Variants in COL22A1 observed in about 807,000 individuals in gnomAD.
The protein encoded by COL22A1 is collagen alpha-1(XXII) chain.
COL22A1 carries 221 observed loss-of-function variants against 248.9 expected under a neutral mutation model. The observed-to-expected ratio is 0.89, with a 90% CI of 0.80 to 0.99. COL22A1 has a LOEUF of 0.99. Among genes scored for constraint, COL22A1 ranks in the 50% least tolerant of loss-of-function variants. COL22A1 has a pLI of 0.00. For synonymous variants in COL22A1, 891 were observed against 793.4 expected (o/e 1.12, Z -2.07); for missense variants, 2,240 against 2,179.0 (o/e 1.03, Z -0.56).
intron 1 of COL22A1, among the ~76,000 whole-genome samples, chr8:138,884,328 A>G (rs981908448): frequency 6.6e-6 from 1 of 152,152 alleles, no homozygotes; most frequent in African/African-American, 2.4e-5. Context: ...GGCCAGGCCA[A>G]CTTCACTGGG....
At chr8:138,806,053 ATGGTGTGTGG>A (rs1817633800) in intron 10 of COL22A1, among the ~76,000 whole-genome samples, 1 of 3,816 alleles carries the variant, frequency 2.6e-4, no homozygotes, top group Non-Finnish European at 9.7e-4. Context: ...GGTGTAGGTA[ATGGTGTGTGG>A]TGGTGTGTGT....
At chr8:138,734,426 C>A (rs1830951409) in intron 23 of COL22A1, among the ~76,000 whole-genome samples, 1 of 152,166 alleles carries the variant, frequency 6.6e-6, no homozygotes, top group Non-Finnish European at 1.5e-5. Context: ...TAAGCAAATG[C>A]ATGATAGTAA....
intron 35 of COL22A1, among the ~76,000 whole-genome samples, chr8:138,692,498 T>C (rs1177234155): frequency 2.4e-4 from 35 of 146,750 alleles, no homozygotes; most frequent in African/African-American, 8.8e-4. Flanking sequence ...TGTGTGTGTG[T>C]GTGTGTGTGT....
chr8:138,902,776 ACACACACACT>A (rs1411323204), intron 1 of COL22A1, among the ~76,000 whole-genome samples: 1 of 151,192 alleles, frequency 6.6e-6, no homozygotes, highest in African/African-American at 2.4e-5. Context: ...ACACACACAC[ACACACACACT>A]AGAACTGACT....
rs532045536 is a variant in COL22A1 at position 138,678,214 on chromosome 8, G to C, written c.3072+1403C>G. Among the ~76,000 whole-genome samples, 9 of 152,280 alleles carry C rather than the reference G, an allele frequency of 5.9e-5. No homozygotes were observed. In the East Asian group the frequency reaches 1.7e-3, roughly 29 times the overall value. On this transcript the variant is annotated intron_variant, in intron 40 of 64. Coordinates refer to ENST00000303045, the MANE Select transcript of COL22A1 (RefSeq NM_152888.3). ...GCCCATTGTCAATACTCAGTGCTAA[G>C]TTCAGAAGAGAAGGGATGTTCATGG...
intron 3 of COL22A1, among the ~76,000 whole-genome samples, chr8:138,863,825 C>A (rs1341523129): frequency 6.6e-6 from 1 of 152,204 alleles, no homozygotes; most frequent in South Asian, 2.1e-4. Context: ...CTCACTGAAT[C>A]TTTGCAATGT....
intron 16 of COL22A1, among the ~76,000 whole-genome samples, chr8:138,775,645 T>C (rs1466453706): frequency 6.6e-6 from 1 of 152,140 alleles, no homozygotes; most frequent in East Asian, 1.9e-4. Context: ...ACTGGGACTT[T>C]GGAGTCCAAT....
At chr8:138,671,020 G>A (rs541689736) in intron 41 of COL22A1, among the ~76,000 whole-genome samples, 130 of 131,262 alleles carry the variant, frequency 9.9e-4, no homozygotes, top group African/African-American at 3.4e-3. Context: ...AAGTGAACAC[G>A]AACTTTTGTT....
intron 4 of COL22A1, among the ~76,000 whole-genome samples, chr8:138,837,960 A>C (rs1319310059): frequency 2.0e-5 from 3 of 151,958 alleles, no homozygotes; most frequent in Non-Finnish European, 4.4e-5. Flanking sequence ...CAGGGTTGTC[A>C]CCTTGAGGAG....
chr8:138,900,880 TA>T (rs1814499349), intron 1 of COL22A1, among the ~76,000 whole-genome samples: 1 of 152,168 alleles, frequency 6.6e-6, no homozygotes, highest in Non-Finnish European at 1.5e-5. Flanking sequence ...AAGATGGTTT[TA>T]GAGAGTAATA....
At position 138,877,726 on chromosome 8, in the gene COL22A1, C is replaced by T. The variant is rs769891408; in HGVS notation, c.658+24G>A. ...AGGGGGCGTCACTCTTGGGAGGGGC[C>T]GCATGGGGCCCGGGCGCACTCACTT... On this transcript the variant is annotated intron_variant, in intron 3 of 64. Coordinates refer to ENST00000303045, the MANE Select transcript of COL22A1 (RefSeq NM_152888.3). The T allele has an allele frequency of 1.0e-5, 16 of 1,547,340 alleles. No individual in the cohort carries two copies. In the East Asian group the frequency reaches 3.4e-4, roughly 33 times the overall value.
intron 1 of COL22A1, among the ~76,000 whole-genome samples, chr8:138,894,209 T>G (rs1401763264): frequency 6.6e-6 from 1 of 152,190 alleles, no homozygotes; most frequent in South Asian, 2.1e-4. Context: ...TCAGACATGC[T>G]TGGATAGCCC....
chr8:138,676,600 A>C lies in COL22A1; in HGVS notation c.3108T>G (p.Pro1036=). Residue 1036 remains proline (P), a synonymous_variant, in exon 41 of 65, where the codon CCT becomes CCG. Coordinates refer to ENST00000303045, the MANE Select transcript of COL22A1 (RefSeq NM_152888.3). The stretch of plus-strand genomic sequence containing the variant: ...CAATGCCTGGGTCACCACGGCTGCC[A>C]GGAGAACCAGGGATCCCAGGAGCTC... The part of the protein sequence containing the change: ...DRGAPGIPGS[P]GSRGDPGIGV... 6.4e-7 allele frequency: 1 copy of C among 1,568,878 alleles called. No homozygotes were observed. The highest frequency in any genetic ancestry group is 1.2e-5 in the South Asian group (1 of 85,206).
intron 59 of COL22A1, 59 bp from the exon 60 acceptor site, chr8:138,602,218 C>T (rs1247346448): frequency 1.3e-6 from 2 of 1,581,146 alleles, no homozygotes; most frequent in African/African-American, 2.7e-5. Flanking sequence ...GTGTCCTTGC[C>T]TTGCTGGATA....
intron 55 of COL22A1, among the ~76,000 whole-genome samples, 155 bp downstream of exon 55, chr8:138,615,846 G>A (rs924333181): frequency 5.3e-5 from 8 of 152,122 alleles, no homozygotes; most frequent in African/African-American, 1.9e-4. Flanking sequence ...GGTTGGAGGC[G>A]CCAATCTCAT....
Position 138,902,739 on chromosome 8 carries a change from TAC to T in COL22A1, c.-73+10878_-73+10879del, listed in dbSNP as rs35023865. Among the ~76,000 whole-genome samples, 433 of 93,876 alleles carry T rather than the reference TAC, an allele frequency of 4.6e-3. 2 individuals carry two copies. Among genetic ancestry groups the T allele is most frequent in the Admixed American group, 7.9e-3 (58 of 7,362 alleles). 61.6% of individuals were successfully genotyped at this position (93,876 alleles called of 152,430 possible). On this transcript the variant is annotated intron_variant, in intron 1 of 64. Transcript: ENST00000303045. ...AAAAATTTATAAATATATATATATATACACACACACACACACACACACACACA... is the reference window on the plus strand; with the variant it reads ...AAAAATTTATAAATATATATATATATACACACACACACACACACACACACA...
At chr8:138,819,328 C>T (rs1818915664) in intron 7 of COL22A1, among the ~76,000 whole-genome samples, 1 of 151,926 alleles carries the variant, frequency 6.6e-6, no homozygotes, top group African/African-American at 2.4e-5. Context: ...ATCTAGAAAT[C>T]ATTCAGTAAA....
chr8:138,694,485 A>T, intron 34 of COL22A1, 23 bp downstream of exon 34: 1 of 1,612,190 alleles, frequency 6.2e-7, no homozygotes, highest in South Asian at 1.1e-5. Context: ...CTGAGCCAGC[A>T]GGGGAAGGGA....
chr8:138,594,207 G>A lies in COL22A1; in HGVS notation c.4433-8C>T, dbSNP rs763052328. 9 of 1,560,756 alleles carry A rather than the reference G, an allele frequency of 5.8e-6. No homozygotes were observed. The East Asian group carries it at 2.0e-4, about 34-fold the overall frequency. On this transcript the variant is annotated splice_polypyrimidine_tract_variant and splice_region_variant and intron_variant, in intron 62 of 64. Coordinates refer to ENST00000303045, the MANE Select transcript of COL22A1 (RefSeq NM_152888.3). ...GGAGGTAGGCGAGTCTGGCTGTAAA[G>A]TAGAAAAAGAGAGGCATTTCATGAA...
Sources: gnomAD v4.1 joint callset for allele counts (sites outside exome capture counted in the v4.1 genomes callset) on GRCh38, gnomAD v4.1.1 for gene constraint, MANE v1.5 for transcripts, NCBI Gene and HGNC (gene_info 2026-07-23, HGNC 2026-07-21) for gene names.